SLC18A2: variants seen among roughly 807,000 people sequenced by gnomAD.
SLC18A2 encodes synaptic vesicular amine transporter.
A neutral mutation model predicts 59.2 loss-of-function variants in SLC18A2; 33 were observed. That is an observed-to-expected ratio of 0.56 (90% CI 0.42 to 0.75). SLC18A2 has a LOEUF of 0.75. Among genes scored for constraint, SLC18A2 ranks in the 30% least tolerant of loss-of-function variants. The probability of loss-of-function intolerance (pLI) is 0.00; values close to 1 mark genes in which losing one functional copy is unlikely to be tolerated. For synonymous variants in SLC18A2, 228 were observed against 253.5 expected, an observed-to-expected ratio of 0.90 and a Z score of 0.95; for missense variants, 569 against 668.6, an observed-to-expected ratio of 0.85 and a Z score of 1.64.
rs538756948 is a variant in SLC18A2, at chr10:117,253,523, C to T, written c.523+66C>T. On this transcript the variant is annotated intron_variant, in intron 4 of 15. Coordinates refer to ENST00000644641, the MANE Select transcript of SLC18A2 (RefSeq NM_003054.6). ...AGGGTGGGCATTGATGCCCATGAGC[C>T]GGGAATTAACAATACAACCTAAGGA... is the stretch of plus-strand genomic sequence containing the variant. 1.8e-5 allele frequency: 15 copies of T among 845,002 alleles called. 1 individual carries two copies. The highest frequency in any genetic ancestry group is 7.4e-5 in the South Asian group (5 of 67,544). 52.3% of individuals were successfully genotyped at this position (845,002 alleles called of 1,614,324 possible). A position where few individuals can be genotyped will look rare whatever the true frequency, so the allele number is the denominator to read the frequency against.
In SLC18A2 at chr10:117,254,091, G is replaced by T. The variant is rs746911583; in HGVS notation, c.567G>T (p.Arg189Ser). 1 of 1,613,798 alleles carries T rather than the reference G, an allele frequency of 6.2e-7. No individual in the cohort carries two copies. Among genetic ancestry groups the T allele is most frequent in the South Asian group, 1.1e-5 (1 of 91,086 alleles). Residue 189 changes from arginine to serine, a missense_variant, in exon 5 of 16, where the codon AGG becomes AGT. Physicochemically the swap from Arg to Ser is moderately radical, Grantham distance 110. This residue lies in a region of SLC18A2 where 377 missense variants were observed against 389.8 expected (regional missense o/e 0.97). Transcript: ENST00000644641. ...SSSYAFLLIA[R>S]SLQGIGSSCS... ...GCTATGCCTTCCTGCTGATTGCCAGGTCGCTGCAGGGCATCGGCTCGTCCT... is the reference window on the plus strand; with the variant it reads ...GCTATGCCTTCCTGCTGATTGCCAGTTCGCTGCAGGGCATCGGCTCGTCCT...
At chr10:117,245,622 A>G (rs1232637066) in intron 3 of SLC18A2, among the ~76,000 whole-genome samples, 1 of 152,030 alleles carries the variant, frequency 6.6e-6, no homozygotes, top group Non-Finnish European at 1.5e-5. Context: ...TGTGTGCCCC[A>G]CATTCAAACA....
intron 2 of SLC18A2, chr10:117,242,026 A>G: frequency 2.1e-6 from 1 of 481,874 alleles, no homozygotes; most frequent in Non-Finnish European, 3.7e-6. Flanking sequence ...CTCGGGTCAA[A>G]AACTGTGACA....
At chr10:117,251,479 T>C (rs1351000798) in intron 3 of SLC18A2, among the ~76,000 whole-genome samples, 2 of 152,192 alleles carry the variant, frequency 1.3e-5, no homozygotes, top group Non-Finnish European at 2.9e-5. Context: ...TCCTGGCATC[T>C]TCTCTGGTTT....
intron 3 of SLC18A2, among the ~76,000 whole-genome samples, chr10:117,248,601 C>A (rs775059006): frequency 6.6e-6 from 1 of 152,174 alleles, no homozygotes; most frequent in East Asian, 1.9e-4. Flanking sequence ...GCAGGTGGTA[C>A]CAGAAATTAT....
chr10:117,279,178 A>G lies in SLC18A2; in HGVS notation c.*1912A>G, dbSNP rs1319580975. On this transcript the variant is annotated 3_prime_UTR_variant, in exon 16 of 16. Coordinates refer to ENST00000644641, the MANE Select transcript of SLC18A2 (RefSeq NM_003054.6). ...CTTGTACTTGGGGAAAAAAATTCTA[A>G]GTTCTTTTATATGACTAATATTCTT... 6.6e-6 allele frequency: 1 copy of G among 152,218 alleles called. No individual in the cohort carries two copies. Among genetic ancestry groups the G allele is most frequent in the Non-Finnish European group, 1.5e-5 (1 of 68,034 alleles). 9.4% of individuals were successfully genotyped at this position (152,218 alleles called of 1,614,324 possible).
intron 10 of SLC18A2, among the ~76,000 whole-genome samples, chr10:117,264,419 T>G (rs1055125266): frequency 2.0e-5 from 3 of 152,210 alleles, no homozygotes; most frequent in Non-Finnish European, 4.4e-5. Context: ...GAGGTTGCAC[T>G]AAGCCGAGAT....
chr10:117,270,083 C>T lies in SLC18A2; in HGVS notation c.1199C>T (p.Ser400Leu), dbSNP rs778181392. 8.7e-6 allele frequency: 14 copies of T among 1,614,034 alleles called. No individual in the cohort carries two copies. The highest frequency in any genetic ancestry group is 2.2e-5 in the East Asian group (1 of 44,890). Residue 400 changes from serine (S) to leucine (L), a missense_variant, in exon 14 of 16, where the codon TCG (serine) becomes TTG (leucine). Coordinates refer to ENST00000644641, the MANE Select transcript of SLC18A2 (RefSeq NM_003054.6). The part of the protein sequence containing the change: ...GVGFAIGMVD[S>L]SMMPIMGYLV... ...TGACTGTCTTCAGGAATGGTGGATTCGTCAATGATGCCTATCATGGGCTAC... is the reference window on the plus strand; with the variant it reads ...TGACTGTCTTCAGGAATGGTGGATTTGTCAATGATGCCTATCATGGGCTAC...
intron 15 of SLC18A2, among the ~76,000 whole-genome samples, chr10:117,272,945 G>A (rs1589986834): frequency 6.6e-6 from 1 of 152,222 alleles, no homozygotes; most frequent in East Asian, 1.9e-4. Flanking sequence ...TGACCATGCA[G>A]TTGAGAAACC....
chr10:117,268,826 A>ATGTG (rs144528427), intron 13 of SLC18A2, among the ~76,000 whole-genome samples: 18 of 150,808 alleles, frequency 1.2e-4, no homozygotes, highest in African/African-American at 2.2e-4. Flanking sequence ...ATGTATGTTT[A>ATGTG]TGTGTGTGTG....
rs949375360 is a variant in SLC18A2, at chr10:117,257,844, C to T, written c.943C>T (p.Leu315=). ...NMGIAMLEPA[L]PIWMMETMCS... ...GGGCATCGCCATGCTGGAGCCAGCC[C>T]TGCCCATCTGGATGATGGAGACCAT... Residue 315 remains leucine (L), a synonymous_variant, in exon 10 of 16, where the codon CTG becomes TTG. Transcript: ENST00000644641. 31 of 1,612,516 alleles carry T rather than the reference C, an allele frequency of 1.9e-5. No individual in the cohort carries two copies. The highest frequency in any genetic ancestry group is 2.5e-5 in the Non-Finnish European group (30 of 1,179,254).
intron 9 of SLC18A2, among the ~76,000 whole-genome samples, chr10:117,256,431 TGTTGGTCTCTGGGGCA>T (rs1002013720): frequency 1.3e-5 from 2 of 152,136 alleles, no homozygotes; most frequent in African/African-American, 4.8e-5. Context: ...CGCGCTGATG[TGTTGGTCTCTGGGGCA>T]GCCTGCACTG....
chr10:117,242,418 G>A (rs561888328), intron 2 of SLC18A2, among the ~76,000 whole-genome samples: 1 of 151,376 alleles, frequency 6.6e-6, no homozygotes, highest in East Asian at 2.0e-4. Context: ...TAACAGAGAA[G>A]TATTTGGCAT....
At chr10:117,241,976 G>C (rs988037938) in intron 2 of SLC18A2, 162 bp downstream of exon 2, 2 of 620,888 alleles carry the variant, frequency 3.2e-6, no homozygotes, top group Non-Finnish European at 5.2e-6. Flanking sequence ...CCGCGCCGGG[G>C]CTAGGAGGAG....
At chr10:117,252,455 T>A (rs1031272599) in intron 3 of SLC18A2, among the ~76,000 whole-genome samples, 3 of 152,030 alleles carry the variant, frequency 2.0e-5, no homozygotes, top group Admixed American at 2.0e-4. Flanking sequence ...CTCTTCTGGG[T>A]TGGAGCAAAC....
chr10:117,244,737 G>A (rs183150717), intron 3 of SLC18A2, among the ~76,000 whole-genome samples: 264 of 152,330 alleles, frequency 1.7e-3, no homozygotes, highest in Admixed American at 1.9e-3. Context: ...AGAGAGCCAA[G>A]GTGTCTTCTT....
intron 10 of SLC18A2, 52 bp downstream of exon 10, chr10:117,257,944 G>A (rs1844249099): frequency 7.5e-7 from 1 of 1,331,166 alleles, no homozygotes; most frequent in Non-Finnish European, 1.1e-6. Flanking sequence ...CCCCAGGGCA[G>A]CCTTTGTCCC....
intron 15 of SLC18A2, among the ~76,000 whole-genome samples, chr10:117,276,140 T>A (rs919092820): frequency 1.0e-4 from 14 of 138,838 alleles, no homozygotes; most frequent in African/African-American, 3.6e-4. Flanking sequence ...AAAAAAAAAT[T>A]AAAAATTAGC....
At chr10:117,273,353 G>A (rs1368612172) in intron 15 of SLC18A2, among the ~76,000 whole-genome samples, 1 of 152,198 alleles carries the variant, frequency 6.6e-6, no homozygotes, top group Non-Finnish European at 1.5e-5. Flanking sequence ...AAAATTCCCA[G>A]TTGAGAAGAG....
Sources: allele counts gnomAD v4.1 joint callset (sites outside exome capture counted in the v4.1 genomes callset), GRCh38; gene constraint gnomAD v4.1.1; regional missense constraint gnomAD v4.1.1; transcripts MANE v1.5; gene names NCBI Gene and HGNC (gene_info 2026-07-23, HGNC 2026-07-21).